Variants in ZMYM4 observed in about 807,000 individuals in gnomAD.
The protein encoded by ZMYM4 is zinc finger MYM-type containing 4.
In ZMYM4, 31 loss-of-function variants were observed where a neutral mutation model predicts 183.2. The ratio of observed to expected loss-of-function variants is 0.17; its 90% CI spans 0.13 to 0.23. The LOEUF is 0.23. ZMYM4 is among the 10% of genes least tolerant of loss of function. The pLI, the probability that ZMYM4 is intolerant of heterozygous loss-of-function variation, is 1.00. For missense variants in ZMYM4, 1,273 were observed against 1,840.3 expected, an observed-to-expected ratio of 0.69 and a Z score of 5.64; for synonymous variants, 592 against 631.2, an observed-to-expected ratio of 0.94 and a Z score of 0.93.
At position 35,402,542 on chromosome 1, in the gene ZMYM4, A is replaced by AG. The variant is rs1312813104; in HGVS notation, c.3529-2474dup. Among the ~76,000 whole-genome samples, 8 of 151,886 alleles carry AG rather than the reference A, an allele frequency of 5.3e-5. No individual in the cohort carries two copies. In the East Asian group the frequency reaches 5.8e-4, roughly 11 times the overall value. On this transcript the variant is annotated intron_variant, in intron 23 of 29. Coordinates refer to ENST00000314607, the MANE Select transcript of ZMYM4 (RefSeq NM_005095.3). ...TGAGCTGGGAGAATTGCTTGAGCCT[A>AG]GGGGGGGTCGAGGCTGCAGTAAGCC...
At chr1:35,283,324 ATCTTTTTTTTTTTTTTT>A (rs1640288482) in intron 1 of ZMYM4, among the ~76,000 whole-genome samples, 1 of 79,598 alleles carries the variant, frequency 1.3e-5, no homozygotes, top group Admixed American at 1.3e-4. Flanking sequence ...GTGAAGTGGT[ATCTTTTTTTTTTTTTTT>A]TTTTTTTTTT....
Position 35,387,028 on chromosome 1 carries a change from T to C in ZMYM4, c.1862T>C (p.Met621Thr). 6.2e-7 allele frequency: 1 copy of C among 1,614,000 alleles called. No homozygotes were observed. Among genetic ancestry groups the C allele is most frequent in the South Asian group, 1.1e-5 (1 of 91,072 alleles). ...AATTTATTCAACAAACCAACTGGAA[T>C]GAATTCTTCAGTAGTGCCCTTGTCT... ...FQNLFNKPTG[M>T]NSSVVPLSQG... is the part of the protein sequence containing the mutation. Residue 621 changes from methionine (M) to threonine (T), a missense_variant, in exon 12 of 30, where the codon ATG becomes ACG. Transcript: ENST00000314607.
chr1:35,312,141 T>TTTG (rs781343798), intron 1 of ZMYM4, among the ~76,000 whole-genome samples: 10 of 152,152 alleles, frequency 6.6e-5, no homozygotes, highest in Non-Finnish European at 1.3e-4. Context: ...TTCAAAGATT[T>TTTG]TTGTTGTTGT....
At chr1:35,350,925 G>C in intron 2 of ZMYM4, 1 of 654,072 alleles carries the variant, frequency 1.5e-6, no homozygotes, top group South Asian at 1.8e-5. Flanking sequence ...TGCCCTTATA[G>C]AGGGGGATAT....
intron 1 of ZMYM4, among the ~76,000 whole-genome samples, chr1:35,294,908 A>G (rs1383090578): frequency 6.6e-6 from 1 of 152,246 alleles, no homozygotes; most frequent in Non-Finnish European, 1.5e-5. Context: ...GGTATTGAAC[A>G]GATAAAAACA....
chr1:35,280,252 TTC>T (rs1256289509), intron 1 of ZMYM4, among the ~76,000 whole-genome samples: 1 of 149,346 alleles, frequency 6.7e-6, no homozygotes, highest in South Asian at 2.2e-4. Context: ...CTCTCTTTCT[TTC>T]TCTCTTTCTC....
intron 5 of ZMYM4, among the ~76,000 whole-genome samples, chr1:35,368,060 C>CA (rs1644129561): frequency 8.5e-6 from 1 of 117,426 alleles, no homozygotes; most frequent in Non-Finnish European, 1.8e-5. Flanking sequence ...CCAAATCCAG[C>CA]GCCCCCCCCC....
At chr1:35,285,591 C>T (rs1006383197) in intron 1 of ZMYM4, among the ~76,000 whole-genome samples, 5 of 151,976 alleles carry the variant, frequency 3.3e-5, no homozygotes, top group Admixed American at 2.0e-4. Flanking sequence ...AAAAATACAA[C>T]ATTTAAAAAT....
At chr1:35,331,579 AG>A (rs1642748532) in intron 2 of ZMYM4, among the ~76,000 whole-genome samples, 1 of 151,980 alleles carries the variant, frequency 6.6e-6, no homozygotes, top group South Asian at 2.1e-4. Context: ...TGAGGTCAGG[AG>A]TTCGAGACCA....
chr1:35,277,463 G>A (rs1159490324), intron 1 of ZMYM4, among the ~76,000 whole-genome samples: 1 of 152,194 alleles, frequency 6.6e-6, no homozygotes, highest in East Asian at 1.9e-4. Context: ...ATTAGATGGG[G>A]CTGTGAATTC....
At chr1:35,338,557 A>G (rs911528406) in intron 2 of ZMYM4, among the ~76,000 whole-genome samples, 1 of 152,154 alleles carries the variant, frequency 6.6e-6, no homozygotes, top group Non-Finnish European at 1.5e-5. Flanking sequence ...ATACCAAGGA[A>G]AGACTAGTTT....
intron 9 of ZMYM4, among the ~76,000 whole-genome samples, chr1:35,383,087 TGAG>T (rs1348993124): frequency 6.6e-6 from 1 of 152,184 alleles, no homozygotes; most frequent in Admixed American, 6.5e-5. Flanking sequence ...TGTGAATTGA[TGAG>T]GTGTGCACGG....
Position 35,322,770 on chromosome 1 carries a change from A to G in ZMYM4, c.40-2590A>G, listed in dbSNP as rs59445648. 2.3e-3 allele frequency among the ~76,000 whole-genome samples: 354 copies of G among 151,922 alleles called. 7 individuals are homozygous for G. Among genetic ancestry groups the G allele is most frequent in the East Asian group, 0.021 (106 of 5,164 alleles). On this transcript the variant is annotated intron_variant, in intron 1 of 29. Transcript: ENST00000314607. ...AATGGCGTGATCTCGGCTCACTGTAACCTCCGCTTCCCAGGTTCAAGCGAT... is the reference window on the plus strand; with the variant it reads ...AATGGCGTGATCTCGGCTCACTGTAGCCTCCGCTTCCCAGGTTCAAGCGAT...
chr1:35,277,869 C>T (rs1639949710), intron 1 of ZMYM4, among the ~76,000 whole-genome samples: 1 of 152,052 alleles, frequency 6.6e-6, no homozygotes, highest in South Asian at 2.1e-4. Context: ...TGAGTTTTAC[C>T]ATATGTGATA....
At chr1:35,270,154 A>G (rs1165084653) in intron 1 of ZMYM4, among the ~76,000 whole-genome samples, 2 of 152,152 alleles carry the variant, frequency 1.3e-5, no homozygotes, top group Non-Finnish European at 2.9e-5. Flanking sequence ...CTCCTCCTAG[A>G]ACCTATTTGC....
At chr1:35,413,292 A>G (rs774906554) in intron 26 of ZMYM4, among the ~76,000 whole-genome samples, 4 of 151,388 alleles carry the variant, frequency 2.6e-5, no homozygotes, top group African/African-American at 7.4e-5. Context: ...TGATCCTCTC[A>G]CCTTGGCCTC....
intron 7 of ZMYM4, among the ~76,000 whole-genome samples, chr1:35,376,344 C>T (rs1428403291): frequency 1.3e-5 from 2 of 152,130 alleles, no homozygotes; most frequent in African/African-American, 4.8e-5. Flanking sequence ...TTTATACTTC[C>T]ATTTCCTTGA....
intron 26 of ZMYM4, among the ~76,000 whole-genome samples, chr1:35,408,860 C>T (rs1189109042): frequency 6.6e-6 from 1 of 152,204 alleles, no homozygotes; most frequent in Non-Finnish European, 1.5e-5. Flanking sequence ...TCTTAATGTG[C>T]AGTCATCACC....
intron 7 of ZMYM4, among the ~76,000 whole-genome samples, chr1:35,376,470 G>A (rs1249263935): frequency 6.6e-6 from 1 of 151,994 alleles, no homozygotes; most frequent in Non-Finnish European, 1.5e-5. Context: ...TGAAATAATT[G>A]TTTCTTCATT....
Sources: allele counts gnomAD v4.1 joint callset (sites outside exome capture counted in the v4.1 genomes callset), GRCh38; gene constraint gnomAD v4.1.1; transcripts MANE v1.5; gene names NCBI Gene and HGNC (gene_info 2026-07-23, HGNC 2026-07-21).